The following BRCA2 variants were observed in gnomAD, a reference collection of about 807,000 sequenced individuals.
BRCA2 encodes the protein BRCA2 DNA repair associated.
A neutral mutation model predicts 276.7 loss-of-function variants in BRCA2; 203 were observed. The observed-to-expected ratio is 0.73, with a 90% CI of 0.65 to 0.82. BRCA2 has a LOEUF of 0.82. BRCA2 is among the 40% of genes least tolerant of loss of function. BRCA2 has a pLI of 0.00. For missense variants in BRCA2, 3,920 were observed against 3,915.0 expected (o/e 1.00, Z -0.03); for synonymous variants, 1,289 against 1,338.4 (o/e 0.96, Z 0.81).
chr13:32,322,430 T>G (rs2072312291), intron 3 of BRCA2, among the ~76,000 whole-genome samples: 1 of 152,180 alleles, frequency 6.6e-6, no homozygotes, highest in Non-Finnish European at 1.5e-5. Context: ...TTCTATAGAT[T>G]ATAGATTAAC....
chr13:32,325,073 CA>C lies in BRCA2; in HGVS notation c.317-2del, dbSNP rs1426478232. 1 of 1,552,962 alleles carries C rather than the reference CA, an allele frequency of 6.4e-7. No homozygotes were observed. On this transcript the variant is annotated splice_acceptor_variant, in intron 3 of 26. Transcript: ENST00000380152. LOFTEE classifies it high-confidence loss of function. Reference sequence around the variant, plus strand: ...TTCTCACTGAATTATTGTACTGTTTCAGGAAGGAATGTTCCCAATAGTAGAC... The same window carrying C: ...TTCTCACTGAATTATTGTACTGTTTCGGAAGGAATGTTCCCAATAGTAGAC...
In BRCA2 at chr13:32,376,687, T is replaced by C; in HGVS notation, c.8650T>C (p.Tyr2884His). Residue 2884 changes from tyrosine (Y) to histidine (H), a missense_variant, in exon 21 of 27, where the codon TAT (tyrosine) becomes CAT (histidine). Tyr to His is a moderately conservative substitution (Grantham distance 83). This residue lies in a region of BRCA2 where 657 missense variants were observed against 758.2 expected (regional missense o/e 0.87). Coordinates refer to ENST00000380152, the MANE Select transcript of BRCA2 (RefSeq NM_000059.4). ...TTTCTTAGAAAACACAACAAAACCA[T>C]ATTTACCATCACGTGCACTAACAAG... ...EEHEENTTKP[Y>H]LPSRALTRQQ... The C allele has an allele frequency of 6.2e-7, 1 of 1,614,122 alleles. No individual in the cohort carries two copies. Among genetic ancestry groups the C allele is most frequent in the Non-Finnish European group, 8.5e-7 (1 of 1,179,998 alleles).
intron 11 of BRCA2, among the ~76,000 whole-genome samples, 173 bp downstream of exon 11, chr13:32,341,369 C>T (rs766042857): frequency 6.6e-6 from 1 of 151,968 alleles, no homozygotes; most frequent in African/African-American, 2.4e-5. Context: ...ATTCAGTATT[C>T]GTATACAGAT....
At chr13:32,351,158 C>T (rs2137548450) in intron 13 of BRCA2, among the ~76,000 whole-genome samples, 1 of 152,346 alleles carries the variant, frequency 6.6e-6, no homozygotes, top group African/African-American at 2.4e-5. Flanking sequence ...TGTTTTTTCA[C>T]TCTTTGCAAT....
intron 13 of BRCA2, among the ~76,000 whole-genome samples, chr13:32,350,761 A>C (rs1248473986): frequency 1.3e-5 from 2 of 152,104 alleles, no homozygotes; most frequent in East Asian, 1.9e-4. Flanking sequence ...TCAAAAAAAA[A>C]ACAACAAAAT....
intron 20 of BRCA2, among the ~76,000 whole-genome samples, chr13:32,373,203 G>A (rs912606610): frequency 6.6e-6 from 1 of 151,748 alleles, no homozygotes; most frequent in Non-Finnish European, 1.5e-5. Flanking sequence ...TGTTGGCCAG[G>A]CTAGTCTTAA....
intron 20 of BRCA2, among the ~76,000 whole-genome samples, chr13:32,373,366 C>T (rs1344806524): frequency 4.6e-5 from 7 of 150,746 alleles, no homozygotes; most frequent in South Asian, 2.1e-4. Flanking sequence ...ATTAGCTGGG[C>T]GTGGTGGCAC....
chr13:32,366,813 C>A (rs1425160205), intron 18 of BRCA2, among the ~76,000 whole-genome samples: 3 of 149,336 alleles, frequency 2.0e-5, no homozygotes, highest in African/African-American at 7.5e-5. Flanking sequence ...CAAAGTGAGA[C>A]CCTGTCTCAA....
In BRCA2 at chr13:32,329,467, C is replaced by A. The variant is rs2072373199; in HGVS notation, c.656C>A (p.Thr219Asn). The A allele has an allele frequency of 6.3e-7, 1 of 1,597,760 alleles. No individual in the cohort carries two copies. The highest frequency in any genetic ancestry group is 2.2e-5 in the East Asian group (1 of 44,628). ...GTCAGAAATGAAGAAGCATCTGAAACTGTATTTCCTCATGATACTACTGCT... is the reference window on the plus strand; with the variant it reads ...GTCAGAAATGAAGAAGCATCTGAAAATGTATTTCCTCATGATACTACTGCT... ...LIVRNEEASETVFPHDTTANV... is the reference protein window; with the variant it reads ...LIVRNEEASENVFPHDTTANV... The change falls in exon 8 of 27, where the codon ACT becomes AAT. Residue 219 changes from threonine (T) to asparagine (N), a missense_variant. Around this residue, in one of 2 missense-constraint regions of BRCA2, gnomAD observed 3,263 missense variants for 3,156.9 expected, o/e 1.03. Coordinates refer to ENST00000380152, the MANE Select transcript of BRCA2 (RefSeq NM_000059.4).
At position 32,337,192 on chromosome 13, in the gene BRCA2, A is replaced by G. The variant is rs55972907; in HGVS notation, c.2837A>G (p.Asp946Gly). Residue 946 changes from aspartate to glycine, a missense_variant, in exon 11 of 27, where the codon GAT (aspartate) becomes GGT (glycine). Coordinates refer to ENST00000380152, the MANE Select transcript of BRCA2 (RefSeq NM_000059.4). ...KQATQVSIKK[D>G]LVYVLAEENK... ...GCAACCCAAGTGTCAATTAAAAAAG[A>G]TTTGGTTTATGTTCTTGCAGAGGAG... 1.9e-6 allele frequency: 3 copies of G among 1,613,650 alleles called. No homozygotes were observed. Among genetic ancestry groups the G allele is most frequent in the East Asian group, 2.2e-5 (1 of 44,834 alleles).
intron 20 of BRCA2, among the ~76,000 whole-genome samples, chr13:32,374,627 T>C (rs1431774859): frequency 6.6e-6 from 1 of 152,206 alleles, no homozygotes; most frequent in East Asian, 1.9e-4. Context: ...TGACCTTTGC[T>C]CCAGTTCCCA....
intron 11 of BRCA2, among the ~76,000 whole-genome samples, chr13:32,343,974 A>G (rs1048808421): frequency 7.9e-5 from 12 of 152,152 alleles, no homozygotes; most frequent in African/African-American, 2.9e-4. Flanking sequence ...ATATTATCTC[A>G]GCATGACATG....
chr13:32,340,855 T>C lies in BRCA2; in HGVS notation c.6500T>C (p.Leu2167Ser), dbSNP rs730881543. The stretch of plus-strand genomic sequence containing the variant: ...CAACAAGACAAACAACAGTTGGTAT[T>C]AGGAACCAAAGTGTCACTTGTTGAG... Reference protein sequence around the residue: ...QFQQDKQQLVLGTKVSLVENI... With the variant: ...QFQQDKQQLVSGTKVSLVENI... Residue 2167 changes from leucine (L) to serine (S), a missense_variant, in exon 11 of 27, where the codon TTA (leucine) becomes TCA (serine). By Grantham distance (145) the Leu-to-Ser change is moderately radical (BLOSUM62 -2). Coordinates refer to ENST00000380152, the MANE Select transcript of BRCA2 (RefSeq NM_000059.4). 6.3e-7 allele frequency: 1 copy of C among 1,599,358 alleles called. No individual in the cohort carries two copies. The highest frequency in any genetic ancestry group is 1.1e-5 in the South Asian group (1 of 87,442).
At chr13:32,356,768 C>T (rs949793907) in intron 15 of BRCA2, among the ~76,000 whole-genome samples, 159 bp downstream of exon 15, 4 of 152,254 alleles carry the variant, frequency 2.6e-5, no homozygotes, top group Admixed American at 2.6e-4. Context: ...CAGTGGCAGC[C>T]TCTGGCCCCT....
chr13:32,368,551 A>G (rs1001138436), intron 18 of BRCA2, among the ~76,000 whole-genome samples: 3 of 146,482 alleles, frequency 2.0e-5, no homozygotes, highest in East Asian at 4.0e-4. Context: ...ACCTTTGTCT[A>G]TTTGAGTCTC....
In BRCA2 at chr13:32,336,466, C is replaced by T. The variant is rs768323836; in HGVS notation, c.2111C>T (p.Pro704Leu). The T allele has an allele frequency of 6.2e-6, 10 of 1,613,888 alleles. No individual in the cohort carries two copies. In the South Asian group the frequency reaches 9.9e-5, roughly 16 times the overall value. Residue 704 changes from proline (P) to leucine (L), a missense_variant, in exon 11 of 27, where the codon CCA (proline) becomes CTA (leucine). Pro to Leu is a moderately conservative substitution (Grantham distance 98). Transcript: ENST00000380152. ...NKEKLQLFIT[P>L]EADSLSCLQE... ...GAAAAACTACAGTTATTTATTACCCCAGAAGCTGATTCTCTGTCATGCCTG... is the reference window on the plus strand; with the variant it reads ...GAAAAACTACAGTTATTTATTACCCTAGAAGCTGATTCTCTGTCATGCCTG...
At chr13:32,355,577 T>C (rs552388482) in intron 14 of BRCA2, among the ~76,000 whole-genome samples, 1 of 152,254 alleles carries the variant, frequency 6.6e-6, no homozygotes, top group African/African-American at 2.4e-5. Context: ...GTGATAAAAA[T>C]AGGGCCGGGC....
intron 18 of BRCA2, among the ~76,000 whole-genome samples, chr13:32,368,909 C>T (rs1017757057): frequency 1.8e-4 from 27 of 150,856 alleles, no homozygotes; most frequent in African/African-American, 6.3e-4. Context: ...CTCCCAGGTT[C>T]GAGGAATTCT....
rs80358993 is a variant in BRCA2 at position 32,357,771 on chromosome 13, C to T, written c.7647C>T (p.Cys2549=). The T allele has an allele frequency of 3.1e-6, 5 of 1,613,458 alleles. No individual in the cohort carries two copies. Among genetic ancestry groups the T allele is most frequent in the Non-Finnish European group, 4.2e-6 (5 of 1,179,622 alleles). ...ATACGTATGGCGTTTCTAAACATTG[C>T]ATAAAAATTAACAGCAAAAATGCAG... ...QLYTYGVSKH[C]IKINSKNAES... is the part of the protein sequence containing the mutation. Residue 2549 remains cysteine, a synonymous_variant, in exon 16 of 27, where the codon TGC becomes TGT. Coordinates refer to ENST00000380152, the MANE Select transcript of BRCA2 (RefSeq NM_000059.4).
Sources: gnomAD v4.1 joint callset for allele counts (sites outside exome capture counted in the v4.1 genomes callset) on GRCh38, gnomAD v4.1.1 for gene constraint, gnomAD v4.1.1 regional missense constraint, MANE v1.5 for transcripts, NCBI Gene and HGNC (gene_info 2026-07-23, HGNC 2026-07-21) for gene names.